KCNB2: variants seen among roughly 807,000 people sequenced by gnomAD.
KCNB2 encodes the protein potassium voltage-gated channel subfamily B member 2.
KCNB2 carries 15 observed loss-of-function variants against 61.5 expected under a neutral mutation model. The ratio of observed to expected loss-of-function variants is 0.24; its 90% confidence interval spans 0.16 to 0.38. The LOEUF (loss-of-function observed/expected upper bound fraction) is 0.38, where lower values mean the gene tolerates loss of function less well. KCNB2 is among the 10% of genes least tolerant of loss of function. The pLI is 1.00. For synonymous variants in KCNB2, 457 were observed against 446.0 expected (o/e 1.02, Z -0.31); for missense variants, 828 against 1,125.2 (o/e 0.74, Z 3.78).
chr8:72,697,390 A>G (rs1328466246), intron 2 of KCNB2, among the ~76,000 whole-genome samples: 2 of 152,140 alleles, frequency 1.3e-5, no homozygotes, highest in Non-Finnish European at 2.9e-5. Context: ...TTCATTACCT[A>G]ATTCTCCAAC....
intron 2 of KCNB2, among the ~76,000 whole-genome samples, chr8:72,762,411 T>C (rs1007272586): frequency 6.6e-6 from 1 of 152,234 alleles, no homozygotes; most frequent in African/African-American, 2.4e-5. Flanking sequence ...TAATTTTTAA[T>C]GGAATTTCAC....
intron 2 of KCNB2, among the ~76,000 whole-genome samples, chr8:72,899,693 G>A (rs868154877): frequency 1.3e-5 from 2 of 152,002 alleles, no homozygotes; most frequent in African/African-American, 4.8e-5. Flanking sequence ...ATCTCTACAA[G>A]GAGAACTACA....
intron 2 of KCNB2, among the ~76,000 whole-genome samples, chr8:72,850,211 GTGTGTGTGTA>G (rs1375054081): frequency 0.025 from 683 of 27,458 alleles, 8 homozygotes; most frequent in Middle Eastern, 0.083. Context: ...GTGTGTGTGT[GTGTGTGTGTA>G]TGTGTGTGTG....
chr8:72,915,107 C>T (rs1311002496), intron 2 of KCNB2, among the ~76,000 whole-genome samples: 1 of 151,934 alleles, frequency 6.6e-6, no homozygotes, highest in Non-Finnish European at 1.5e-5. Context: ...GGCGTTTCAC[C>T]ATGTCGGTCA....
chr8:72,756,778 A>G (rs1487319128), intron 2 of KCNB2, among the ~76,000 whole-genome samples: 10 of 152,172 alleles, frequency 6.6e-5, no homozygotes, highest in African/African-American at 2.4e-4. Context: ...GACAGCTTTG[A>G]GTGATCATGA....
intron 2 of KCNB2, among the ~76,000 whole-genome samples, chr8:72,646,973 T>G (rs1806138945): frequency 6.6e-6 from 1 of 152,008 alleles, no homozygotes; most frequent in Non-Finnish European, 1.5e-5. Context: ...TAAAAAGAGG[T>G]TAAGTAACCT....
intron 2 of KCNB2, among the ~76,000 whole-genome samples, chr8:72,694,646 G>C (rs1806989140): frequency 6.6e-6 from 1 of 152,016 alleles, no homozygotes; most frequent in Non-Finnish European, 1.5e-5. Flanking sequence ...TCATTAGTAT[G>C]AGTCATTGAT....
At chr8:72,592,323 T>C (rs926928236) in intron 2 of KCNB2, among the ~76,000 whole-genome samples, 1 of 152,210 alleles carries the variant, frequency 6.6e-6, no homozygotes, top group African/African-American at 2.4e-5. Context: ...GAATGGCTTT[T>C]CTTTTTCCTA....
At chr8:72,856,042 AT>A (rs1312047724) in intron 2 of KCNB2, among the ~76,000 whole-genome samples, 5 of 152,122 alleles carry the variant, frequency 3.3e-5, no homozygotes, top group African/African-American at 4.8e-5. Context: ...TACAAATGCA[AT>A]TTTTTTGAAC....
At chr8:72,801,714 G>A (rs1809129273) in intron 2 of KCNB2, among the ~76,000 whole-genome samples, 1 of 152,096 alleles carries the variant, frequency 6.6e-6, no homozygotes, top group Non-Finnish European at 1.5e-5. Context: ...CCACCAAGGA[G>A]GAGGTTCTTT....
intron 2 of KCNB2, among the ~76,000 whole-genome samples, chr8:72,734,660 GC>G (rs987875764): frequency 6.6e-6 from 1 of 152,120 alleles, no homozygotes; most frequent in Non-Finnish European, 1.5e-5. Context: ...TCATTGCCAT[GC>G]CCCCTGAATG....
At chr8:72,723,912 C>T (rs1002638780) in intron 2 of KCNB2, among the ~76,000 whole-genome samples, 2 of 152,198 alleles carry the variant, frequency 1.3e-5, no homozygotes, top group African/African-American at 4.8e-5. Flanking sequence ...AGCAAGTACT[C>T]TCTATGTGTG....
intron 1 of KCNB2, among the ~76,000 whole-genome samples, chr8:72,552,401 T>C (rs1806359449): frequency 6.6e-6 from 1 of 152,194 alleles, no homozygotes; most frequent in African/African-American, 2.4e-5. Flanking sequence ...ACATGAGCTA[T>C]TGAATATTTG....
At chr8:72,754,551 G>A (rs1808253305) in intron 2 of KCNB2, among the ~76,000 whole-genome samples, 1 of 152,190 alleles carries the variant, frequency 6.6e-6, no homozygotes, top group Non-Finnish European at 1.5e-5. Context: ...AGCCCTGAAT[G>A]TAGGTGCAGT....
At chr8:72,643,286 A>C (rs1426721315) in intron 2 of KCNB2, among the ~76,000 whole-genome samples, 3 of 152,208 alleles carry the variant, frequency 2.0e-5, no homozygotes, top group Non-Finnish European at 4.4e-5. Flanking sequence ...GCTAGACATC[A>C]GCATGTGTCA....
chr8:72,742,019 T>C (rs542283874), intron 2 of KCNB2, among the ~76,000 whole-genome samples: 39 of 152,230 alleles, frequency 2.6e-4, no homozygotes, highest in Non-Finnish European at 5.1e-4. Context: ...TAAGTCACTG[T>C]ATGAAAAAGA....
At chr8:72,891,550 A>C (rs1585956396) in intron 2 of KCNB2, among the ~76,000 whole-genome samples, 8 of 152,382 alleles carry the variant, frequency 5.2e-5, no homozygotes, top group Admixed American at 5.2e-4. Flanking sequence ...TGTAGTATCA[A>C]GAAAGCCAAC....
At chr8:72,573,834 T>A (rs1027343601) in intron 2 of KCNB2, among the ~76,000 whole-genome samples, 4 of 152,348 alleles carry the variant, frequency 2.6e-5, no homozygotes, top group Middle Eastern at 3.4e-3. Context: ...GTACTCTCAT[T>A]CTTATCTGCA....
intron 2 of KCNB2, among the ~76,000 whole-genome samples, chr8:72,634,993 A>G (rs1477341017): frequency 6.6e-6 from 1 of 152,196 alleles, no homozygotes; most frequent in African/African-American, 2.4e-5. Flanking sequence ...GAGCTGGTCC[A>G]GGAAGTATGA....
Sources: gnomAD v4.1 joint callset for allele counts (sites outside exome capture counted in the v4.1 genomes callset) on GRCh38, gnomAD v4.1.1 for gene constraint, MANE v1.5 for transcripts, NCBI Gene and HGNC (gene_info 2026-07-23, HGNC 2026-07-21) for gene names.